The following BACH2 variants were observed in gnomAD, a reference collection of about 807,000 sequenced individuals.
The protein encoded by BACH2 is BACH transcriptional regulator 2.
In BACH2, 5 loss-of-function variants were observed where a neutral mutation model predicts 61.8. The ratio of observed to expected loss-of-function variants is 0.08; its 90% CI spans 0.04 to 0.17. BACH2 has a LOEUF of 0.17. Ranked by LOEUF, BACH2 falls within the 10% of genes least tolerant of loss-of-function variation. BACH2 has a pLI of 1.00. For synonymous variants in BACH2, 446 were observed against 440.1 expected, an observed-to-expected ratio of 1.01 and a Z score of -0.17; for missense variants, 824 against 1,091.1, an observed-to-expected ratio of 0.76 and a Z score of 3.45.
chr6:90,095,576 G>T (rs1782348187), intron 4 of BACH2, among the ~76,000 whole-genome samples: 1 of 152,104 alleles, frequency 6.6e-6, no homozygotes. Flanking sequence ...GAGGTTATCA[G>T]ATTTTCACTT....
At position 89,950,378 on chromosome 6, in the gene BACH2, C is replaced by T; in HGVS notation, c.1728G>A (p.Arg576=). 2.5e-6 allele frequency: 4 copies of T among 1,614,128 alleles called. No homozygotes were observed. Among genetic ancestry groups the T allele is most frequent in the Non-Finnish European group, 3.4e-6 (4 of 1,180,022 alleles). ...LMGDGMYNQV[R]PQIKCEQSYG... Reference sequence around the variant, plus strand: ...AAGACTGCTCACATTTAATTTGGGGCCGCACTTGGTTGTACATTCCATCTC... The same window carrying T: ...AAGACTGCTCACATTTAATTTGGGGTCGCACTTGGTTGTACATTCCATCTC... The change falls in exon 7 of 9, where the codon CGG becomes CGA. Residue 576 remains arginine (R), a synonymous_variant. Coordinates refer to ENST00000257749, the MANE Select transcript of BACH2 (RefSeq NM_021813.4). The surrounding 1 kb of genome is among the most constrained non-coding windows in gnomAD (Gnocchi z 5.3).
intron 4 of BACH2, among the ~76,000 whole-genome samples, chr6:90,112,111 A>G (rs1477634131): frequency 6.6e-6 from 1 of 152,246 alleles, no homozygotes; most frequent in Non-Finnish European, 1.5e-5. Context: ...ATTTTTCTGC[A>G]GATCAAACAA....
rs561423907 is a variant in BACH2 at position 90,248,033 on chromosome 6, A to C, written c.-275+4480T>G. Among the ~76,000 whole-genome samples the C allele has an allele frequency of 1.1e-3, 173 of 152,364 alleles. 1 individual carries two copies. The highest frequency in any genetic ancestry group is 3.9e-3 in the African/African-American group (163 of 41,588). ...GTGCTCAACAAATGTTTGTTACATG[A>C]ATGAATACATATGCTCCTTGAGAGA... On this transcript the variant is annotated intron_variant, in intron 3 of 8. Coordinates refer to ENST00000257749, the MANE Select transcript of BACH2 (RefSeq NM_021813.4).
At chr6:89,996,037 G>A (rs976531206) in intron 6 of BACH2, among the ~76,000 whole-genome samples, 1 of 151,960 alleles carries the variant, frequency 6.6e-6, no homozygotes, top group Non-Finnish European at 1.5e-5. Context: ...TTTTTTTCCT[G>A]TTTCTCAAAG....
intron 4 of BACH2, among the ~76,000 whole-genome samples, chr6:90,164,177 A>C (rs1006968162): frequency 7.9e-5 from 12 of 152,312 alleles, no homozygotes; most frequent in East Asian, 5.8e-4. Flanking sequence ...CAAGACTAAT[A>C]AAGAAGAAAA....
chr6:90,067,620 G>A (rs1781026107), intron 5 of BACH2, among the ~76,000 whole-genome samples: 1 of 152,224 alleles, frequency 6.6e-6, no homozygotes, highest in Admixed American at 6.5e-5. Flanking sequence ...GGTCGGGAAG[G>A]AGAGGGTGGA....
intron 4 of BACH2, among the ~76,000 whole-genome samples, chr6:90,097,626 C>T (rs1453396327): frequency 6.6e-6 from 1 of 152,138 alleles, no homozygotes; most frequent in Non-Finnish European, 1.5e-5. Context: ...AGTGGGTTTT[C>T]CTTCTGTATT....
chr6:89,979,984 T>C (rs773430512), intron 6 of BACH2, among the ~76,000 whole-genome samples: 1 of 152,184 alleles, frequency 6.6e-6, no homozygotes, highest in South Asian at 2.1e-4. Context: ...GTCATATAAC[T>C]TGTGTATTAA....
intron 3 of BACH2, among the ~76,000 whole-genome samples, chr6:90,224,845 C>A (rs1162109574): frequency 6.6e-6 from 1 of 152,110 alleles, no homozygotes; most frequent in Non-Finnish European, 1.5e-5. Context: ...CAAACTTCAG[C>A]CCAGGGCAGA....
intron 2 of BACH2, among the ~76,000 whole-genome samples, chr6:90,258,855 A>G (rs1201308753): frequency 6.6e-6 from 1 of 151,946 alleles, no homozygotes; most frequent in East Asian, 1.9e-4. Flanking sequence ...TTCTTTTCAA[A>G]CAGACTGTAA....
intron 6 of BACH2, among the ~76,000 whole-genome samples, chr6:89,956,813 TG>T (rs1774451899): frequency 6.6e-6 from 1 of 152,164 alleles, no homozygotes; most frequent in Non-Finnish European, 1.5e-5. Context: ...ATAAGCTACA[TG>T]ACTAAGGTGT....
rs188047933 is a variant in BACH2, at chr6:90,208,601, G to A, written c.-274-1920C>T. 2.2e-3 allele frequency among the ~76,000 whole-genome samples: 337 copies of A among 152,328 alleles called. 1 individual carries two copies. The highest frequency in any genetic ancestry group is 1.2e-3 in the East Asian group (6 of 5,186). On this transcript the variant is annotated intron_variant, in intron 3 of 8. Coordinates refer to ENST00000257749, the MANE Select transcript of BACH2 (RefSeq NM_021813.4). Reference sequence around the variant, plus strand: ...GAAACAGGAACACTTCTACACTGTTGGTGGGAGTGTAAATTAGTTCAACCA... The same window carrying A: ...GAAACAGGAACACTTCTACACTGTTAGTGGGAGTGTAAATTAGTTCAACCA...
intron 4 of BACH2, among the ~76,000 whole-genome samples, chr6:90,138,055 C>CAA (rs1351628665): frequency 2.6e-4 from 2 of 7,554 alleles, no homozygotes; most frequent in African/African-American, 4.4e-4. Context: ...AATCATAAAA[C>CAA]ACACACACAC....
intron 5 of BACH2, among the ~76,000 whole-genome samples, chr6:90,034,961 T>C (rs1043503125): frequency 6.6e-6 from 1 of 152,106 alleles, no homozygotes; most frequent in African/African-American, 2.4e-5. Flanking sequence ...TGCCAAAATA[T>C]GCAAACATAG....
intron 3 of BACH2, among the ~76,000 whole-genome samples, chr6:90,229,001 A>C (rs1254448106): frequency 6.6e-6 from 1 of 152,214 alleles, no homozygotes; most frequent in African/African-American, 2.4e-5. Flanking sequence ...ACTGTCAGAG[A>C]GTTAAAAAGT....
At chr6:90,014,463 TATATA>T (rs1213292225) in intron 5 of BACH2, among the ~76,000 whole-genome samples, 4 of 70,780 alleles carry the variant, frequency 5.7e-5, no homozygotes, top group Non-Finnish European at 1.0e-4. Context: ...TATATATATA[TATATA>T]TTTTTTTTTT....
intron 4 of BACH2, among the ~76,000 whole-genome samples, chr6:90,174,314 T>A (rs940019397): frequency 2.2e-4 from 33 of 152,114 alleles, no homozygotes; most frequent in African/African-American, 7.2e-4. Context: ...TATATGATTA[T>A]CTCAAAGAAT....
At chr6:90,225,283 A>G (rs1318685446) in intron 3 of BACH2, among the ~76,000 whole-genome samples, 5 of 152,142 alleles carry the variant, frequency 3.3e-5, no homozygotes, top group Admixed American at 2.0e-4. Context: ...CGGGAGGCTG[A>G]TGGGGGAGAA....
chr6:90,066,623 C>T (rs1038257887), intron 5 of BACH2, among the ~76,000 whole-genome samples: 1 of 152,158 alleles, frequency 6.6e-6, no homozygotes. Flanking sequence ...TCAGCATAAA[C>T]TACAAAAGAA....
Sources: allele counts gnomAD v4.1 joint callset (sites outside exome capture counted in the v4.1 genomes callset), GRCh38; gene constraint gnomAD v4.1.1; non-coding constraint Gnocchi (gnomAD v3.1); transcripts MANE v1.5; gene names NCBI Gene and HGNC (gene_info 2026-07-23, HGNC 2026-07-21).